GIGYF2: variants seen among roughly 807,000 people sequenced by gnomAD.
The protein encoded by GIGYF2 is GRB10-interacting GYF protein 2.
Under a neutral mutation model 208.1 loss-of-function variants are expected in GIGYF2, and 25 were observed. The ratio of observed to expected loss-of-function variants is 0.12; its 90% confidence interval spans 0.09 to 0.17. The LOEUF (loss-of-function observed/expected upper bound fraction) is 0.17, where lower values mean the gene tolerates loss of function less well. GIGYF2 is among the 10% of genes least tolerant of loss of function. The probability of loss-of-function intolerance (pLI) is 1.00; values close to 1 mark genes in which losing one functional copy is unlikely to be tolerated. For missense variants in GIGYF2, 1,302 were observed against 1,579.4 expected, an observed-to-expected ratio of 0.82 and a Z score of 2.98; for synonymous variants, 534 against 543.8, an observed-to-expected ratio of 0.98 and a Z score of 0.25.
intron 14 of GIGYF2, among the ~76,000 whole-genome samples, chr2:232,800,188 A>C (rs140222630): frequency 2.4e-4 from 36 of 151,768 alleles, no homozygotes; most frequent in African/African-American, 8.7e-4. Context: ...GTCATATCCT[A>C]GAAATCATTA....
chr2:232,720,701 TCTC>T (rs1266340122), intron 2 of GIGYF2, among the ~76,000 whole-genome samples: 1 of 152,044 alleles, frequency 6.6e-6, no homozygotes, highest in Non-Finnish European at 1.5e-5. Context: ...TTCAAGCAGT[TCTC>T]CTGCCTCAGC....
chr2:232,736,051 C>T, intron 3 of GIGYF2: 2 of 975,810 alleles, frequency 2.0e-6, no homozygotes, highest in Non-Finnish European at 2.4e-6. Flanking sequence ...TGTAGTAACT[C>T]TATTTGAGGA....
intron 17 of GIGYF2, among the ~76,000 whole-genome samples, chr2:232,811,577 C>A (rs144814548): frequency 6.6e-6 from 1 of 152,094 alleles, no homozygotes; most frequent in African/African-American, 2.4e-5. Context: ...ATCAAAAGAC[C>A]AAAGAATAAT....
At chr2:232,813,976 C>A (rs1010690468) in intron 18 of GIGYF2, among the ~76,000 whole-genome samples, 4 of 147,946 alleles carry the variant, frequency 2.7e-5, no homozygotes, top group Middle Eastern at 3.6e-3. Context: ...CAACCTCTGC[C>A]TCCTGGGTTC....
intron 2 of GIGYF2, among the ~76,000 whole-genome samples, chr2:232,733,205 C>T (rs1026533562): frequency 2.7e-5 from 4 of 149,292 alleles, no homozygotes; most frequent in Non-Finnish European, 4.4e-5. Flanking sequence ...TACAGTGAGC[C>T]GTGATCGCGC....
chr2:232,785,091 T>TC, intron 8 of GIGYF2, among the ~76,000 whole-genome samples: 1 of 146,614 alleles, frequency 6.8e-6, no homozygotes, highest in Non-Finnish European at 1.5e-5. Context: ...TTCTTCTTCT[T>TC]TTTTTTTTTT....
chr2:232,720,770 T>A (rs1394432938), intron 2 of GIGYF2, among the ~76,000 whole-genome samples: 1 of 152,044 alleles, frequency 6.6e-6, no homozygotes, highest in Non-Finnish European at 1.5e-5. Context: ...AATTTTTGTA[T>A]TTTTAGTAGA....
intron 21 of GIGYF2, among the ~76,000 whole-genome samples, chr2:232,830,227 C>G (rs1008691955): frequency 2.6e-5 from 4 of 152,180 alleles, no homozygotes; most frequent in African/African-American, 7.2e-5. Context: ...ATGTGATCCT[C>G]TCACTTCAGC....
At chr2:232,829,947 G>GTTCA (rs201875664) in intron 21 of GIGYF2, among the ~76,000 whole-genome samples, 3,370 of 152,106 alleles carry the variant, frequency 0.022, 131 homozygotes, top group African/African-American at 0.076. Context: ...TCTCTCTGGT[G>GTTCA]TTCATTCATT....
chr2:232,762,948 A>G (rs1164157083), intron 8 of GIGYF2, among the ~76,000 whole-genome samples: 2 of 152,014 alleles, frequency 1.3e-5, no homozygotes, highest in Admixed American at 6.6e-5. Flanking sequence ...CTTGAGCCCA[A>G]GAAGTCGAGG....
At chr2:232,768,289 G>C (rs1217887322) in intron 8 of GIGYF2, 1 of 1,614,182 alleles carries the variant, frequency 6.2e-7, no homozygotes, top group Non-Finnish European at 8.5e-7. Flanking sequence ...TTAGAAACCA[G>C]AGGAGTTGGA....
chr2:232,777,612 G>A (rs1238637785), intron 8 of GIGYF2, among the ~76,000 whole-genome samples: 4 of 139,342 alleles, frequency 2.9e-5, no homozygotes, highest in Non-Finnish European at 6.0e-5. Context: ...AATCCTCTCC[G>A]TCCCCCCCCC....
At chr2:232,756,673 A>G (rs1462426728) in intron 6 of GIGYF2, among the ~76,000 whole-genome samples, 1 of 152,194 alleles carries the variant, frequency 6.6e-6, no homozygotes, top group Non-Finnish European at 1.5e-5. Context: ...TGGAAGCAGC[A>G]CTGAAGTACC....
chr2:232,724,021 A>G (rs191362045), intron 2 of GIGYF2, among the ~76,000 whole-genome samples: 1 of 151,560 alleles, frequency 6.6e-6, no homozygotes, highest in East Asian at 2.0e-4. Context: ...GGTATGAGCC[A>G]CTGCGCCCAG....
chr2:232,847,846 A>T (rs1218777561), intron 27 of GIGYF2, among the ~76,000 whole-genome samples: 1 of 152,242 alleles, frequency 6.6e-6, no homozygotes, highest in African/African-American at 2.4e-5. Context: ...ACATTTCAAC[A>T]TGTCAAACCC....
At chr2:232,812,348 G>A in intron 17 of GIGYF2, 43 bp from the exon 18 acceptor site, 3 of 800,312 alleles carry the variant, frequency 3.7e-6, no homozygotes, top group Admixed American at 2.0e-5. Flanking sequence ...TTTTTTTCCT[G>A]CAAATGACAA....
intron 8 of GIGYF2, among the ~76,000 whole-genome samples, chr2:232,771,746 A>G (rs545099460): frequency 6.6e-6 from 1 of 152,310 alleles, no homozygotes; most frequent in South Asian, 2.1e-4. Context: ...GTGTATAAAG[A>G]CTAGCATTTC....
At chr2:232,782,103 C>CT (rs1197648588) in intron 8 of GIGYF2, among the ~76,000 whole-genome samples, 3 of 152,144 alleles carry the variant, frequency 2.0e-5, no homozygotes, top group Non-Finnish European at 4.4e-5. Flanking sequence ...TCCTGTGTCT[C>CT]TAATTGTGTT....
chr2:232,791,226 G>T (rs372215603), intron 11 of GIGYF2, 32 bp from the exon 12 acceptor site: 4 of 1,613,778 alleles, frequency 2.5e-6, no homozygotes, highest in Non-Finnish European at 3.4e-6. Context: ...CAAAACTTTC[G>T]TAAGTTCAAC....
Sources: gnomAD v4.1 joint callset for allele counts (sites outside exome capture counted in the v4.1 genomes callset) on GRCh38, gnomAD v4.1.1 for gene constraint, MANE v1.5 for transcripts, NCBI Gene and HGNC (gene_info 2026-07-23, HGNC 2026-07-21) for gene names.